Variants in SCG3 observed in about 807,000 individuals in gnomAD.
SCG3 encodes secretogranin-3.
In SCG3, 38 loss-of-function variants were observed where a neutral mutation model predicts 56.2. That is an observed-to-expected ratio of 0.68 (90% CI 0.52 to 0.89). SCG3 has a LOEUF of 0.89. Ranked by LOEUF, SCG3 falls within the 40% of genes least tolerant of loss-of-function variation. The pLI, the probability that SCG3 is intolerant of heterozygous loss-of-function variation, is 0.00. For missense variants in SCG3, 524 were observed against 540.7 expected (o/e 0.97, Z 0.31); for synonymous variants, 176 against 184.2 (o/e 0.96, Z 0.36).
intron 3 of SCG3, 45 bp downstream of exon 3, chr15:51,683,169 T>C: frequency 1.2e-6 from 2 of 1,602,368 alleles, no homozygotes; most frequent in Non-Finnish European, 1.7e-6. Context: ...ATGTAGGCTA[T>C]GAGAATCTGA....
At chr15:51,715,227 C>T (rs1176221687) in intron 11 of SCG3, 3 of 152,170 alleles carry the variant, frequency 2.0e-5, no homozygotes, top group Non-Finnish European at 2.9e-5. Flanking sequence ...AGCAAACTGG[C>T]ATTGGGTTCG....
intron 11 of SCG3, among the ~76,000 whole-genome samples, chr15:51,718,091 C>T (rs1349258216): frequency 6.6e-6 from 1 of 152,086 alleles, no homozygotes; most frequent in Non-Finnish European, 1.5e-5. Context: ...AGTGCCCTAA[C>T]ATTATGACAA....
At position 51,719,545 on chromosome 15, in the gene SCG3, G is replaced by T; in HGVS notation, c.*19G>T. On this transcript the variant is annotated 3_prime_UTR_variant, in exon 12 of 12. Transcript: ENST00000220478. ...CCTGTAAAAATGGCAAAAGATCCAG[G>T]AGTCTTTCAACTGTTTCAGAAAACA... 6.6e-7 allele frequency: 1 copy of T among 1,524,676 alleles called. No individual in the cohort carries two copies. Among genetic ancestry groups the T allele is most frequent in the Non-Finnish European group, 9.1e-7 (1 of 1,101,074 alleles). The allele number at this position is 1,524,676 out of a possible 1,614,324, so 94.4% of individuals were successfully genotyped here.
Position 51,681,632 on chromosome 15 carries a change from C to T in SCG3, c.-124C>T. The T allele has an allele frequency of 1.5e-6, 1 of 674,278 alleles. No homozygotes were observed. Among genetic ancestry groups the T allele is most frequent in the South Asian group, 1.6e-5 (1 of 60,674 alleles). 41.8% of individuals were successfully genotyped at this position (674,278 alleles called of 1,614,324 possible). ...GATCCTGCAGCCGCCCAGTCCCGGC[C>T]CCTCTCCCGCCCCACACCCACCCTC... is the stretch of plus-strand genomic sequence containing the variant. On this transcript the variant is annotated 5_prime_UTR_variant, in exon 1 of 12. Transcript: ENST00000220478.
At position 51,719,764 on chromosome 15, in the gene SCG3, C is replaced by T. The variant is rs1434825722; in HGVS notation, c.*238C>T. ...TACAGAATCCTTATTTCCTCATAGA[C>T]TTATATTTTATAATCAGAATATGTT... is the stretch of plus-strand genomic sequence containing the variant. On this transcript the variant is annotated 3_prime_UTR_variant, in exon 12 of 12. Transcript: ENST00000220478. 6.2e-6 allele frequency: 3 copies of T among 483,810 alleles called. No individual in the cohort carries two copies. Among genetic ancestry groups the T allele is most frequent in the African/African-American group, 5.9e-5 (3 of 50,706 alleles). 30.0% of individuals were successfully genotyped at this position (483,810 alleles called of 1,614,324 possible).
intron 6 of SCG3, 26 bp downstream of exon 6, chr15:51,689,394 C>G: frequency 1.5e-6 from 2 of 1,324,046 alleles, no homozygotes; most frequent in East Asian, 4.8e-5. Context: ...TATGCATATG[C>G]ATGGGGGTGT....
chr15:51,699,687 C>T (rs538664263), intron 9 of SCG3, among the ~76,000 whole-genome samples: 8 of 152,278 alleles, frequency 5.3e-5, no homozygotes, highest in African/African-American at 1.9e-4. Flanking sequence ...CATCACAAAA[C>T]TGAGCAATCC....
intron 8 of SCG3, among the ~76,000 whole-genome samples, chr15:51,698,590 T>C (rs9672605): frequency 0.22 from 33,466 of 152,138 alleles, 3,820 homozygotes; most frequent in Non-Finnish European, 0.24. Context: ...TTGCCACGTA[T>C]AACTGGAGAA....
intron 4 of SCG3, among the ~76,000 whole-genome samples, chr15:51,686,114 A>G (rs2055226994): frequency 6.6e-6 from 1 of 152,238 alleles, no homozygotes; most frequent in Non-Finnish European, 1.5e-5. Flanking sequence ...TGTTGTGGCT[A>G]CTTAACAAAA....
In SCG3 at chr15:51,681,609, T is replaced by C. The variant is rs950264722; in HGVS notation, c.-147T>C. On this transcript the variant is annotated 5_prime_UTR_variant, in exon 1 of 12. Coordinates refer to ENST00000220478, the MANE Select transcript of SCG3 (RefSeq NM_013243.4). ...TCCCTTGACCGTCGAGTGTCAGAGA[T>C]CCTGCAGCCGCCCAGTCCCGGCCCC... 2 of 642,102 alleles carry C rather than the reference T, an allele frequency of 3.1e-6. No homozygotes were observed. The highest frequency in any genetic ancestry group is 2.8e-6 in the Non-Finnish European group (1 of 358,086). The allele number at this position is 642,102 out of a possible 1,614,324, so 39.8% of individuals were successfully genotyped here.
intron 10 of SCG3, among the ~76,000 whole-genome samples, chr15:51,704,945 C>T (rs533949948): frequency 1.3e-5 from 2 of 151,760 alleles, no homozygotes; most frequent in African/African-American, 4.8e-5. Context: ...TTCTACCAAT[C>T]GTGTGCAAGA....
chr15:51,704,778 T>C (rs934395128), intron 10 of SCG3, among the ~76,000 whole-genome samples: 2 of 132,232 alleles, frequency 1.5e-5, no homozygotes, highest in African/African-American at 2.7e-5. Context: ...TATATATATA[T>C]ATATATATAT....
chr15:51,718,473 G>A (rs932596818), intron 11 of SCG3, among the ~76,000 whole-genome samples: 1 of 152,174 alleles, frequency 6.6e-6, no homozygotes, highest in Non-Finnish European at 1.5e-5. Context: ...ATACCCAAGT[G>A]ACCCAGGCTC....
At chr15:51,682,326 TAAAC>T (rs913477548) in intron 1 of SCG3, among the ~76,000 whole-genome samples, 187 bp from the exon 2 acceptor site, 44 of 151,960 alleles carry the variant, frequency 2.9e-4, no homozygotes, top group African/African-American at 1.1e-3. Flanking sequence ...ACCAAGATAA[TAAAC>T]AAGGCAATAT....
intron 5 of SCG3, among the ~76,000 whole-genome samples, chr15:51,688,701 A>G (rs2055246455): frequency 6.6e-6 from 1 of 152,218 alleles, no homozygotes; most frequent in African/African-American, 2.4e-5. Context: ...GAGGCGTATG[A>G]AGGAAGCTTA....
intron 10 of SCG3, among the ~76,000 whole-genome samples, chr15:51,707,346 C>T (rs2055382876): frequency 6.6e-6 from 1 of 152,138 alleles, no homozygotes; most frequent in African/African-American, 2.4e-5. Context: ...CCTGTGGATA[C>T]ACTTATTTTT....
intron 10 of SCG3, among the ~76,000 whole-genome samples, chr15:51,705,059 T>C (rs955803413): frequency 2.0e-5 from 3 of 151,906 alleles, no homozygotes; most frequent in African/African-American, 7.3e-5. Flanking sequence ...TAAAAATAGC[T>C]AACCAGGACA....
intron 6 of SCG3, among the ~76,000 whole-genome samples, chr15:51,691,127 T>C (rs2055264254): frequency 6.6e-6 from 1 of 152,170 alleles, no homozygotes; most frequent in Non-Finnish European, 1.5e-5. Flanking sequence ...AGGAGTTAAC[T>C]TGTGAACATG....
chr15:51,708,769 G>C (rs762373929), intron 10 of SCG3, among the ~76,000 whole-genome samples: 30 of 152,096 alleles, frequency 2.0e-4, no homozygotes, highest in Non-Finnish European at 4.3e-4. Flanking sequence ...TGAGGCAGGA[G>C]AATGGCGTAA....
Sources: allele counts gnomAD v4.1 joint callset (sites outside exome capture counted in the v4.1 genomes callset), GRCh38; gene constraint gnomAD v4.1.1; transcripts MANE v1.5; gene names NCBI Gene and HGNC (gene_info 2026-07-23, HGNC 2026-07-21).